PLCE1: variants seen among roughly 807,000 people sequenced by gnomAD.
PLCE1 encodes the protein 1-phosphatidylinositol 4,5-bisphosphate phosphodiesterase epsilon-1.
A neutral mutation model predicts 242.8 loss-of-function variants in PLCE1; 119 were observed. The observed-to-expected ratio is 0.49, with a 90% CI of 0.42 to 0.57. The LOEUF is 0.57. PLCE1 is among the 20% of genes least tolerant of loss of function. The probability of loss-of-function intolerance (pLI) is 0.00; values close to 1 mark genes in which losing one functional copy is unlikely to be tolerated. For missense variants in PLCE1, 2,441 were observed against 2,788.8 expected (o/e 0.88, Z 2.81); for synonymous variants, 945 against 1,017.4 (o/e 0.93, Z 1.35).
chr10:94,099,239 T>G (rs1480792749), intron 2 of PLCE1, among the ~76,000 whole-genome samples: 1 of 152,214 alleles, frequency 6.6e-6, no homozygotes, highest in Non-Finnish European at 1.5e-5. Flanking sequence ...ACTTCAGGAT[T>G]ATATGAAAAG....
chr10:94,194,123 A>T (rs1219370644), intron 4 of PLCE1, among the ~76,000 whole-genome samples: 1 of 152,238 alleles, frequency 6.6e-6, no homozygotes, highest in African/African-American at 2.4e-5. Flanking sequence ...ACAAGGCAAG[A>T]TGCCTATTAG....
intron 11 of PLCE1, among the ~76,000 whole-genome samples, chr10:94,256,316 C>T (rs1202822787): frequency 8.9e-6 from 1 of 111,778 alleles, no homozygotes; most frequent in Non-Finnish European, 1.7e-5. Context: ...AGAGTGAGAG[C>T]TTGTCTCAAA....
At chr10:94,042,635 A>C (rs1321681546) in intron 2 of PLCE1, among the ~76,000 whole-genome samples, 1 of 152,096 alleles carries the variant, frequency 6.6e-6, no homozygotes, top group Non-Finnish European at 1.5e-5. Flanking sequence ...TGACTTTTGG[A>C]TGAAATGGGA....
chr10:94,320,091 G>C (rs2053736333), intron 29 of PLCE1, among the ~76,000 whole-genome samples: 1 of 151,866 alleles, frequency 6.6e-6, no homozygotes, highest in South Asian at 2.1e-4. Context: ...TGGTTTGGGG[G>C]ACAAAGATTA....
chr10:94,133,449 A>G (rs1220951314), intron 3 of PLCE1, among the ~76,000 whole-genome samples: 1 of 152,198 alleles, frequency 6.6e-6, no homozygotes, highest in East Asian at 1.9e-4. Context: ...GAAGCTGCCA[A>G]CCAGACAGGG....
Position 94,306,541 on chromosome 10 carries a change from C to A in PLCE1, c.5737C>A (p.Arg1913=), listed in dbSNP as rs750855636. The part of the protein sequence containing the change: ...SCHFRTKPIH[R]NTLNPMWNEQ... ...CCATTTCCGCACAAAGCCCATCCAT[C>A]GAAACACCCTGAACCCCATGTGGAA... The change falls in exon 26 of 33, where the codon CGA becomes AGA. Residue 1913 remains arginine (R), a synonymous_variant. Coordinates refer to ENST00000371380, the MANE Select transcript of PLCE1 (RefSeq NM_016341.4). The surrounding 1 kb of genome is among the most constrained non-coding windows in gnomAD (Gnocchi z 5.7). 1 of 1,614,172 alleles carries A rather than the reference C, an allele frequency of 6.2e-7. No homozygotes were observed. The highest frequency in any genetic ancestry group is 2.2e-5 in the East Asian group (1 of 44,880).
Position 94,315,393 on chromosome 10 carries a change from G to C in PLCE1, c.6133-1154G>C, listed in dbSNP as rs188577776. 2,983 of 455,962 alleles carry C rather than the reference G, an allele frequency of 6.5e-3. 32 individuals carry two copies. The highest frequency in any genetic ancestry group is 0.021 in the South Asian group (1,359 of 64,538). The allele number at this position is 455,962 out of a possible 1,614,324, so 28.2% of individuals were successfully genotyped here. A position where few individuals can be genotyped will look rare whatever the true frequency, so the allele number is the denominator to read the frequency against. The stretch of plus-strand genomic sequence containing the variant: ...TCTCATCACCAAGCTACTTCTCACG[G>C]GAAGGCAACAAAGGGAGTTTCTTCA... On this transcript the variant is annotated intron_variant, in intron 28 of 32. Transcript: ENST00000371380.
intron 4 of PLCE1, among the ~76,000 whole-genome samples, chr10:94,192,891 CCG>C (rs200772517): frequency 0.21 from 32,178 of 152,058 alleles, 3,509 homozygotes; most frequent in African/African-American, 0.26. Flanking sequence ...TGGAACGCAC[CCG>C]CTCTCATCTG....
At chr10:94,258,642 G>A (rs958562582) in intron 11 of PLCE1, among the ~76,000 whole-genome samples, 158 bp from the exon 12 acceptor site, 3 of 152,144 alleles carry the variant, frequency 2.0e-5, no homozygotes, top group African/African-American at 7.2e-5. Context: ...TACAATATAG[G>A]TTAAGAGATG....
chr10:94,096,329 A>G (rs1410001644), intron 2 of PLCE1: 2 of 152,234 alleles, frequency 1.3e-5, no homozygotes, highest in Non-Finnish European at 2.9e-5. Flanking sequence ...GCTAATAAAG[A>G]CATACTGAAG....
intron 2 of PLCE1, chr10:94,107,102 G>GGCGAC (rs1224715461): frequency 6.6e-6 from 1 of 152,618 alleles, no homozygotes; most frequent in East Asian, 2.0e-4. Context: ...TGCTGGCAGT[G>GGCGAC]GCGACGCTTT....
intron 3 of PLCE1, among the ~76,000 whole-genome samples, chr10:94,169,107 G>T (rs1272550755): frequency 6.6e-6 from 1 of 152,122 alleles, no homozygotes; most frequent in African/African-American, 2.4e-5. Context: ...GTATTAAAAT[G>T]CTTAGAGTCA....
intron 2 of PLCE1, among the ~76,000 whole-genome samples, chr10:94,101,811 G>A (rs957875098): frequency 5.9e-5 from 9 of 152,310 alleles, no homozygotes; most frequent in Middle Eastern, 3.4e-3. Context: ...GGTCTGGCCC[G>A]GAAGGCCATT....
intron 2 of PLCE1, among the ~76,000 whole-genome samples, chr10:94,035,549 T>A (rs1464899658): frequency 6.6e-6 from 1 of 152,192 alleles, no homozygotes; most frequent in East Asian, 1.9e-4. Context: ...CTCCAGGAAC[T>A]TTTATCCCCT....
rs759725284 is a variant in PLCE1, at chr10:94,324,546, T to G, written c.6699T>G (p.Leu2233=). Residue 2233 remains leucine, a synonymous_variant, in exon 31 of 33, where the codon CTT becomes CTG. Transcript: ENST00000371380. ...SKWKGAGKFI[L]KLKEQVQASR... is the part of the protein sequence containing the mutation. ...GGAAAGGTGCAGGAAAATTCATCCT[T>G]AAGCTAAAGGAGCAGGTGCAGGTAA... 1.2e-6 allele frequency: 2 copies of G among 1,613,926 alleles called. No individual in the cohort carries two copies. The highest frequency in any genetic ancestry group is 1.7e-6 in the Non-Finnish European group (2 of 1,179,760).
intron 7 of PLCE1, among the ~76,000 whole-genome samples, chr10:94,243,361 G>A (rs534309277): frequency 6.6e-6 from 1 of 152,318 alleles, no homozygotes; most frequent in African/African-American, 2.4e-5. Flanking sequence ...GACCCTCATA[G>A]TCAAGAGGAG....
chr10:94,102,638 C>G (rs1211013556), intron 2 of PLCE1, among the ~76,000 whole-genome samples: 3 of 152,176 alleles, frequency 2.0e-5, no homozygotes, highest in Non-Finnish European at 4.4e-5. Flanking sequence ...GGTCACACAG[C>G]TGGTTATCAG....
intron 1 of PLCE1, among the ~76,000 whole-genome samples, chr10:94,020,346 G>T (rs539203607): frequency 6.6e-5 from 10 of 152,210 alleles, no homozygotes; most frequent in African/African-American, 2.2e-4. Flanking sequence ...TAAAAATAGG[G>T]TAATTTGTCT....
At chr10:94,243,362 T>C (rs1237405780) in intron 7 of PLCE1, among the ~76,000 whole-genome samples, 1 of 152,130 alleles carries the variant, frequency 6.6e-6, no homozygotes, top group Non-Finnish European at 1.5e-5. Context: ...ACCCTCATAG[T>C]CAAGAGGAGC....
Sources: allele counts gnomAD v4.1 joint callset (sites outside exome capture counted in the v4.1 genomes callset), GRCh38; gene constraint gnomAD v4.1.1; non-coding constraint Gnocchi (gnomAD v3.1); transcripts MANE v1.5; gene names NCBI Gene and HGNC (gene_info 2026-07-23, HGNC 2026-07-21).